The following KCNQ5 variants were observed in gnomAD, a reference collection of about 807,000 sequenced individuals.
KCNQ5 encodes the protein potassium voltage-gated channel subfamily KQT member 5.
A neutral mutation model predicts 98.2 loss-of-function variants in KCNQ5; 30 were observed. The ratio of observed to expected loss-of-function variants is 0.31; its 90% CI spans 0.23 to 0.41. KCNQ5 has a LOEUF of 0.41. KCNQ5 is among the 10% of genes least tolerant of loss of function. The pLI is 1.00. For missense variants in KCNQ5, 835 were observed against 1,182.5 expected, an observed-to-expected ratio of 0.71 and a Z score of 4.31; for synonymous variants, 458 against 449.4, an observed-to-expected ratio of 1.02 and a Z score of -0.24.
chr6:72,923,111 C>A (rs145734503), intron 1 of KCNQ5, among the ~76,000 whole-genome samples: 168 of 152,222 alleles, frequency 1.1e-3, no homozygotes, highest in Non-Finnish European at 2.3e-3. Context: ...CGCGCCCAGC[C>A]AGGACACATT....
chr6:73,114,117 T>G (rs1476629551), intron 7 of KCNQ5, among the ~76,000 whole-genome samples: 3 of 152,158 alleles, frequency 2.0e-5, no homozygotes, highest in Admixed American at 2.0e-4. Context: ...AATTATTAAT[T>G]TGTTCATTGT....
intron 1 of KCNQ5, among the ~76,000 whole-genome samples, chr6:72,915,741 C>CA (rs924739099): frequency 3.8e-4 from 57 of 149,464 alleles, no homozygotes; most frequent in Middle Eastern, 3.4e-3. Context: ...TAAGTACTGT[C>CA]AAAAAAAAAA....
At chr6:73,134,035 A>G in intron 10 of KCNQ5, 1 of 472,598 alleles carries the variant, frequency 2.1e-6, no homozygotes, top group Non-Finnish European at 4.4e-6. Context: ...ATATCTTGAA[A>G]CACAGTAAGG....
intron 2 of KCNQ5, among the ~76,000 whole-genome samples, chr6:73,024,381 T>TGATA (rs1554198956): frequency 6.6e-5 from 8 of 120,548 alleles, no homozygotes; most frequent in African/African-American, 2.5e-4. Flanking sequence ...GATAGATAGA[T>TGATA]GATAGATAGA....
At chr6:72,874,143 C>T (rs1778316704) in intron 1 of KCNQ5, among the ~76,000 whole-genome samples, 4 of 151,666 alleles carry the variant, frequency 2.6e-5, no homozygotes, top group Admixed American at 2.6e-4. Context: ...ATGAGAATGC[C>T]CTTCTCAAAC....
intron 1 of KCNQ5, among the ~76,000 whole-genome samples, chr6:72,809,388 A>T (rs992629415): frequency 2.6e-5 from 4 of 152,068 alleles, no homozygotes; most frequent in African/African-American, 4.8e-5. Flanking sequence ...AACTTAAAGT[A>T]TAATAATAAA....
intron 2 of KCNQ5, among the ~76,000 whole-genome samples, chr6:73,025,562 G>T (rs1770833985): frequency 6.8e-6 from 1 of 146,576 alleles, no homozygotes; most frequent in Non-Finnish European, 1.5e-5. Flanking sequence ...GGCAAAGGTT[G>T]CAGTGAGCCG....
chr6:72,923,222 A>G lies in KCNQ5; in HGVS notation c.399-80686A>G, dbSNP rs534145027. On this transcript the variant is annotated intron_variant, in intron 1 of 13. Coordinates refer to ENST00000370398, the MANE Select transcript of KCNQ5 (RefSeq NM_019842.4). ...ACTTGAGAGTGCAGATATCTCTTCC[A>G]CATACTGATTTCATTTCCTTTAGAA... Among the ~76,000 whole-genome samples the G allele has an allele frequency of 8.3e-4, 126 of 152,322 alleles. 1 individual carries two copies. Among genetic ancestry groups the G allele is most frequent in the Non-Finnish European group, 1.5e-3 (101 of 68,026 alleles).
intron 1 of KCNQ5, among the ~76,000 whole-genome samples, chr6:72,626,711 A>C (rs891790783): frequency 6.6e-6 from 1 of 152,214 alleles, no homozygotes; most frequent in African/African-American, 2.4e-5. Flanking sequence ...ATTTATTCAT[A>C]AACTTATTCT....
intron 1 of KCNQ5, among the ~76,000 whole-genome samples, chr6:72,858,991 A>C (rs2150150754): frequency 6.6e-6 from 1 of 151,832 alleles, no homozygotes; most frequent in South Asian, 2.1e-4. Flanking sequence ...TAGTTTTGCA[A>C]TTTTTACGAG....
chr6:73,169,927 C>A, intron 11 of KCNQ5, 73 bp downstream of exon 11: 1 of 989,290 alleles, frequency 1.0e-6, no homozygotes, highest in Non-Finnish European at 1.6e-6. Context: ...TTGCTAAGTT[C>A]TTTTTCTGCA....
chr6:72,774,662 A>G (rs1232143729), intron 1 of KCNQ5, among the ~76,000 whole-genome samples: 5 of 152,024 alleles, frequency 3.3e-5, no homozygotes, highest in African/African-American at 9.7e-5. Flanking sequence ...AGACAATCCA[A>G]CAGCAAAAAA....
intron 1 of KCNQ5, among the ~76,000 whole-genome samples, chr6:72,693,025 A>T (rs759059649): frequency 2.0e-5 from 3 of 152,326 alleles, no homozygotes; most frequent in African/African-American, 7.2e-5. Flanking sequence ...TTTAAAAAGA[A>T]TATTTCTAAT....
chr6:73,017,783 T>C (rs977391978), intron 2 of KCNQ5, among the ~76,000 whole-genome samples: 6 of 152,144 alleles, frequency 3.9e-5, no homozygotes, highest in African/African-American at 1.4e-4. Context: ...GGAGATTCAG[T>C]GCCGCAAGGT....
At chr6:72,724,274 TAAG>T (rs1452126446) in intron 1 of KCNQ5, among the ~76,000 whole-genome samples, 1 of 152,174 alleles carries the variant, frequency 6.6e-6, no homozygotes, top group Non-Finnish European at 1.5e-5. Context: ...CCAATTCCTA[TAAG>T]AAGAAAAAAG....
At chr6:72,998,938 G>A in intron 1 of KCNQ5, among the ~76,000 whole-genome samples, 1 of 152,064 alleles carries the variant, frequency 6.6e-6, no homozygotes, top group East Asian at 1.9e-4. Flanking sequence ...CTAAGTTCAG[G>A]GAGATGTCTA....
chr6:72,963,045 AAAAT>A (rs954437361), intron 1 of KCNQ5, among the ~76,000 whole-genome samples: 4 of 152,234 alleles, frequency 2.6e-5, no homozygotes, highest in East Asian at 1.9e-4. Context: ...CATTTCTCAA[AAAAT>A]AAATAAATAA....
chr6:73,131,901 C>T (rs1383613949), intron 9 of KCNQ5, among the ~76,000 whole-genome samples: 2 of 152,176 alleles, frequency 1.3e-5, no homozygotes, highest in African/African-American at 4.8e-5. Flanking sequence ...TCATGCTGGA[C>T]TTAGCTGTGT....
intron 10 of KCNQ5, chr6:73,133,918 C>A: frequency 1.8e-6 from 1 of 562,426 alleles, no homozygotes; most frequent in East Asian, 4.5e-5. Flanking sequence ...ATTTATTTCT[C>A]AGACAAGGGC....
Sources: allele counts gnomAD v4.1 joint callset (sites outside exome capture counted in the v4.1 genomes callset), GRCh38; gene constraint gnomAD v4.1.1; transcripts MANE v1.5; gene names NCBI Gene and HGNC (gene_info 2026-07-23, HGNC 2026-07-21).